DPP7: variants seen among roughly 807,000 people sequenced by gnomAD.
DPP7 encodes dipeptidyl peptidase 7.
In DPP7, 74 loss-of-function variants were observed where a neutral mutation model predicts 58.8. The ratio of observed to expected loss-of-function variants is 1.26; its 90% CI spans 1.04 to 1.53. The LOEUF is 1.53. DPP7 is among the 40% of genes most tolerant of loss of function. The probability of loss-of-function intolerance (pLI) is 0.00; values close to 1 mark genes in which losing one functional copy is unlikely to be tolerated. For missense variants in DPP7, 807 were observed against 692.3 expected, an observed-to-expected ratio of 1.17 and a Z score of -1.86; for synonymous variants, 350 against 303.6, an observed-to-expected ratio of 1.15 and a Z score of -1.59.
Position 137,113,385 on chromosome 9 carries a change from G to C in DPP7, c.597C>G (p.Asn199Lys). The change falls in exon 5 of 13, where the codon AAC becomes AAG. Residue 199 changes from asparagine (N) to lysine (K), a missense_variant. Around this residue, in one of 3 missense-constraint regions of DPP7, gnomAD observed 624 missense variants for 531.2 expected, o/e 1.17. Transcript: ENST00000371579. ...VLAVAGLGDS[N>K]QFFRDVTADF... is the part of the protein sequence containing the mutation. ...CCGCCGTGACGTCCCGGAAGAACTG[G>C]TTGGAGTCGCCGAGGCCTGCCACAG... 6.2e-7 allele frequency: 1 copy of C among 1,610,590 alleles called. No homozygotes were observed. The highest frequency in any genetic ancestry group is 8.5e-7 in the Non-Finnish European group (1 of 1,178,062).
At chr9:137,113,720 G>A (rs1041691303) in intron 4 of DPP7, 145 bp downstream of exon 4, 6 of 1,421,492 alleles carry the variant, frequency 4.2e-6, no homozygotes, top group African/African-American at 2.9e-5. Context: ...GGCTTCCTGG[G>A]GGAGGCAACA....
chr9:137,116,629 G>C (rs540693027), upstream of DPP7, among the ~76,000 whole-genome samples: 21 of 152,224 alleles, frequency 1.4e-4, no homozygotes, highest in African/African-American at 4.8e-4. Context: ...ATATGGCCTC[G>C]TGGGAAGGGA....
intron 1 of DPP7, 21 bp from the exon 2 acceptor site, chr9:137,114,597 C>A: frequency 6.7e-7 from 1 of 1,481,784 alleles, no homozygotes; most frequent in African/African-American, 1.5e-5. Context: ...ACGCGAACCT[C>A]AGAGGCGGGG....
chr9:137,117,650 G>T (rs901471339), upstream of DPP7, among the ~76,000 whole-genome samples: 3 of 152,310 alleles, frequency 2.0e-5, no homozygotes, highest in East Asian at 3.9e-4. Flanking sequence ...CACACATCAC[G>T]TCTGTGCTGT....
Position 137,111,952 on chromosome 9 carries a change from C to G in DPP7, c.1128G>C (p.Glu376Asp), listed in dbSNP as rs749506557. 6.2e-6 allele frequency: 10 copies of G among 1,612,262 alleles called. No individual in the cohort carries two copies. The East Asian group carries it at 1.3e-4, about 22-fold the overall frequency. ...TGTCCAGGCAGTACCGCTGGCGGAGCTCGTCAGTGAAGGGCAGGTCCGGGA... is the reference window on the plus strand; with the variant it reads ...TGTCCAGGCAGTACCGCTGGCGGAGGTCGTCAGTGAAGGGCAGGTCCGGGA... ...DMFPDLPFTD[E>D]LRQRYCLDTW... The change falls in exon 10 of 13, where the codon GAG becomes GAC. Residue 376 changes from glutamate (E) to aspartate (D), a missense_variant. By Grantham distance (45) the Glu-to-Asp change is conservative. Around this residue, in one of 3 missense-constraint regions of DPP7, gnomAD observed 624 missense variants for 531.2 expected, o/e 1.17. Transcript: ENST00000371579.
chr9:137,116,045 G>C (rs752590174), upstream of DPP7, among the ~76,000 whole-genome samples: 1 of 152,174 alleles, frequency 6.6e-6, no homozygotes, highest in Admixed American at 6.5e-5. Flanking sequence ...CAGCTAGGCC[G>C]AGAGCTGGCC....
intron 3 of DPP7, 42 bp downstream of exon 3, chr9:137,114,201 A>G (rs9802763): frequency 0.018 from 7,093 of 403,298 alleles, 869 homozygotes; most frequent in African/African-American, 0.046. Flanking sequence ...CCCGGCACCC[A>G]CGTGCCCCGC....
At chr9:137,112,614 AC>A in intron 8 of DPP7, 130 bp downstream of exon 8, 1 of 1,125,378 alleles carries the variant, frequency 8.9e-7, no homozygotes, top group Non-Finnish European at 1.3e-6. Context: ...CGTGCTGTCC[AC>A]CCCACCACAG....
In DPP7 at chr9:137,112,275, A is replaced by T. The variant is rs766788535; in HGVS notation, c.932-45T>A. 63 of 1,502,950 alleles carry T rather than the reference A, an allele frequency of 4.2e-5. No homozygotes were observed. In the Admixed American group the frequency reaches 5.2e-4, roughly 12 times the overall value. 93.1% of individuals were successfully genotyped at this position (1,502,950 alleles called of 1,614,324 possible). A position where few individuals can be genotyped will look rare whatever the true frequency, so the allele number is the denominator to read the frequency against. On this transcript the variant is annotated intron_variant, in intron 8 of 12. Coordinates refer to ENST00000371579, the MANE Select transcript of DPP7 (RefSeq NM_013379.3). ...GGGCCCAGCGGCCACACACAGACAC[A>T]CCGCGGGCTCCGGCCACCAACCTGT...
chr9:137,117,077 C>G (rs945436959), upstream of DPP7, among the ~76,000 whole-genome samples: 1 of 152,348 alleles, frequency 6.6e-6, no homozygotes, highest in African/African-American at 2.4e-5. Flanking sequence ...ACTCAGAGAC[C>G]GGGGCCGGTG....
chr9:137,118,006 G>C (rs1312568952), upstream of DPP7, among the ~76,000 whole-genome samples: 4 of 149,362 alleles, frequency 2.7e-5, no homozygotes, highest in Non-Finnish European at 5.9e-5. Flanking sequence ...TTTTTTTTTC[G>C]AGACAGAGTC....
intron 4 of DPP7, 31 bp from the exon 5 acceptor site, chr9:137,113,527 GCCC>G: frequency 1.3e-6 from 2 of 1,521,150 alleles, no homozygotes; most frequent in South Asian, 1.3e-5. Context: ...TAGGGCTGCT[GCCC>G]CCAACACCCC....
chr9:137,117,992 C>G (rs1315925573), upstream of DPP7, among the ~76,000 whole-genome samples: 1 of 151,806 alleles, frequency 6.6e-6, no homozygotes, highest in Non-Finnish European at 1.5e-5. Context: ...AGCATTTTGT[C>G]CTTTTTTTTT....
intron 1 of DPP7, 31 bp downstream of exon 1, chr9:137,114,616 G>T (rs936256225): frequency 7.0e-7 from 1 of 1,433,012 alleles, no homozygotes; most frequent in Non-Finnish European, 9.2e-7. Context: ...GGCCGGGACC[G>T]GGGAATGGGC....
At chr9:137,114,759 G>GCCAGGGCGCGCTCCTCCCT (rs1831580054), upstream of DPP7, 21 of 1,237,612 alleles carry the variant, frequency 1.7e-5, no homozygotes, top group South Asian at 6.0e-4. Flanking sequence ...TCACGGGGCC[G>GCCAGGGCGCGCTCCTCCCT]CCAGGGCGCG....
chr9:137,110,559 G>A lies in DPP7; in HGVS notation c.*89C>T. ...GGGACATACATGGCCAGGCCTCCAG[G>A]CGTTTATTCAGCCCCTTCCCTCTGC... On this transcript the variant is annotated 3_prime_UTR_variant, in exon 13 of 13. Transcript: ENST00000371579. 1 of 1,504,466 alleles carries A rather than the reference G, an allele frequency of 6.6e-7. No homozygotes were observed. Among genetic ancestry groups the A allele is most frequent in the Non-Finnish European group, 8.9e-7 (1 of 1,124,578 alleles). 93.2% of individuals were successfully genotyped at this position (1,504,466 alleles called of 1,614,324 possible). A position where few individuals can be genotyped will look rare whatever the true frequency, so the allele number is the denominator to read the frequency against.
At position 137,110,634 on chromosome 9, in the gene DPP7, C is replaced by T; in HGVS notation, c.*14G>A. 2.5e-6 allele frequency: 4 copies of T among 1,609,576 alleles called. No individual in the cohort carries two copies. Among genetic ancestry groups the T allele is most frequent in the Non-Finnish European group, 3.4e-6 (4 of 1,179,684 alleles). ...CACTCCATGAGGAGCCTTGAGACCC[C>T]TCCAGTCCTGTGCTCAGAGGCTGAG... On this transcript the variant is annotated 3_prime_UTR_variant, in exon 13 of 13. Coordinates refer to ENST00000371579, the MANE Select transcript of DPP7 (RefSeq NM_013379.3).
Position 137,112,156 on chromosome 9 carries a change from T to C in DPP7, c.1006A>G (p.Thr336Ala). 2 of 1,609,588 alleles carry C rather than the reference T, an allele frequency of 1.2e-6. No individual in the cohort carries two copies. The highest frequency in any genetic ancestry group is 1.7e-6 in the Non-Finnish European group (2 of 1,179,612). Residue 336 changes from threonine (T) to alanine (A), a missense_variant, in exon 9 of 13, where the codon ACT becomes GCT. Physicochemically the swap from Thr to Ala is moderately conservative, Grantham distance 58. Coordinates refer to ENST00000371579, the MANE Select transcript of DPP7 (RefSeq NM_013379.3). The stretch of plus-strand genomic sequence containing the variant: ...GCGTCGGGGCCGGTGCCGCAGCCAG[T>C]GGGGTCAGCACAGCTGTGGTAGAGC... ...YRLYHSCADP[T>A]GCGTGPDARA...
chr9:137,115,578 C>T (rs1831610892), upstream of DPP7, among the ~76,000 whole-genome samples: 1 of 152,158 alleles, frequency 6.6e-6, no homozygotes, highest in East Asian at 1.9e-4. Context: ...TTACCCTGTC[C>T]TTCTCCCAAG....
Sources: gnomAD v4.1 joint callset for allele counts (sites outside exome capture counted in the v4.1 genomes callset) on GRCh38, gnomAD v4.1.1 for gene constraint, gnomAD v4.1.1 regional missense constraint, MANE v1.5 for transcripts, NCBI Gene and HGNC (gene_info 2026-07-23, HGNC 2026-07-21) for gene names.